The following ELMO1 variants were observed in gnomAD, a reference collection of about 807,000 sequenced individuals.
ELMO1 encodes the protein engulfment and cell motility 1, also known as engulfment and cell motility protein 1.
ELMO1 carries 26 observed loss-of-function variants against 98.9 expected under a neutral mutation model. The ratio of observed to expected loss-of-function variants is 0.26; its 90% CI spans 0.19 to 0.36. The LOEUF (loss-of-function observed/expected upper bound fraction) is 0.36, where lower values mean the gene tolerates loss of function less well. ELMO1 is among the 10% of genes least tolerant of loss of function. The pLI is 1.00. For synonymous variants in ELMO1, 346 were observed against 346.0 expected (o/e 1.00, Z 0.00); for missense variants, 627 against 935.2 (o/e 0.67, Z 4.30).
intron 2 of ELMO1, among the ~76,000 whole-genome samples, chr7:37,337,803 AG>A (rs557206829): frequency 9.9e-4 from 151 of 152,274 alleles, no homozygotes; most frequent in African/African-American, 3.5e-3. Flanking sequence ...GAAATACTGG[AG>A]GCTTGAAGAG....
intron 13 of ELMO1, 125 bp downstream of exon 13, chr7:37,211,261 G>C (rs1333803017): frequency 1.5e-6 from 2 of 1,376,272 alleles, no homozygotes; most frequent in Non-Finnish European, 2.0e-6. Context: ...TAAACATCTG[G>C]AAATGTGGAA....
At chr7:37,277,276 G>A (rs1796892427) in intron 4 of ELMO1, among the ~76,000 whole-genome samples, 1 of 152,236 alleles carries the variant, frequency 6.6e-6, no homozygotes, top group Non-Finnish European at 1.5e-5. Flanking sequence ...CAGCACATAG[G>A]TGTGATGCAG....
At chr7:37,060,517 G>C (rs1018030416) in intron 15 of ELMO1, among the ~76,000 whole-genome samples, 1 of 152,166 alleles carries the variant, frequency 6.6e-6, no homozygotes, top group Non-Finnish European at 1.5e-5. Flanking sequence ...GGAGGGAAGA[G>C]AGGGTGGCAA....
intron 18 of ELMO1, among the ~76,000 whole-genome samples, chr7:36,884,744 G>A (rs1562795972): frequency 1.3e-5 from 2 of 152,158 alleles, no homozygotes; most frequent in African/African-American, 2.4e-5. Context: ...TGGCACAGTC[G>A]AGCACTCTCT....
chr7:36,971,060 G>A (rs1789902076), intron 16 of ELMO1, among the ~76,000 whole-genome samples: 1 of 152,224 alleles, frequency 6.6e-6, no homozygotes, highest in Non-Finnish European at 1.5e-5. Flanking sequence ...CCCAGGTATG[G>A]AGGCCTCACT....
intron 15 of ELMO1, among the ~76,000 whole-genome samples, chr7:37,028,660 G>A (rs1307671656): frequency 6.6e-6 from 1 of 152,084 alleles, no homozygotes; most frequent in African/African-American, 2.4e-5. Context: ...ACAGCTCACT[G>A]CATCCTTTAA....
At chr7:37,078,475 C>T (rs1038740057) in intron 15 of ELMO1, among the ~76,000 whole-genome samples, 2 of 152,146 alleles carry the variant, frequency 1.3e-5, no homozygotes, top group Non-Finnish European at 2.9e-5. Flanking sequence ...CCCCAAATCC[C>T]ACCATCTCAG....
chr7:37,099,926 C>G (rs906354797), intron 14 of ELMO1, among the ~76,000 whole-genome samples: 2 of 151,834 alleles, frequency 1.3e-5, no homozygotes, highest in African/African-American at 4.8e-5. Context: ...TCCGCCCCGC[C>G]AAGCTCAAGC....
At chr7:37,402,486 CTAAG>C (rs562868626) in intron 1 of ELMO1, among the ~76,000 whole-genome samples, 29 of 152,240 alleles carry the variant, frequency 1.9e-4, no homozygotes, top group Admixed American at 6.5e-4. Context: ...CTCTTTCTTC[CTAAG>C]TGTTTGGGAA....
At chr7:37,332,110 C>G (rs1800158964) in intron 2 of ELMO1, among the ~76,000 whole-genome samples, 1 of 152,192 alleles carries the variant, frequency 6.6e-6, no homozygotes, top group Non-Finnish European at 1.5e-5. Context: ...AGGATTCATC[C>G]ATCATCATTT....
intron 16 of ELMO1, among the ~76,000 whole-genome samples, chr7:36,921,909 C>CT (rs1785180132): frequency 6.6e-6 from 1 of 152,204 alleles, no homozygotes; most frequent in Non-Finnish European, 1.5e-5. Flanking sequence ...TAAGACCCCG[C>CT]TGCGTATGCC....
chr7:37,171,306 G>A (rs1790137726), intron 13 of ELMO1, among the ~76,000 whole-genome samples: 1 of 151,728 alleles, frequency 6.6e-6, no homozygotes, highest in African/African-American at 2.4e-5. Flanking sequence ...AACTGGCTAG[G>A]TTTCTTTTTC....
chr7:37,217,636 C>G (rs774399306), intron 10 of ELMO1: 1 of 451,764 alleles, frequency 2.2e-6, no homozygotes, highest in Non-Finnish European at 4.5e-6. Flanking sequence ...GGAGGGCATA[C>G]AAGCAGGGGT....
chr7:37,226,079 A>G (rs911954809), intron 8 of ELMO1, among the ~76,000 whole-genome samples: 4 of 152,042 alleles, frequency 2.6e-5, no homozygotes, highest in Non-Finnish European at 5.9e-5. Flanking sequence ...CCCAGGTACC[A>G]TCGGAATTGT....
rs572656639 is a variant in ELMO1, at chr7:36,976,360, G to A, written c.1437+36939C>T. On this transcript the variant is annotated intron_variant, in intron 16 of 21. Coordinates refer to ENST00000310758, the MANE Select transcript of ELMO1 (RefSeq NM_014800.11). The stretch of plus-strand genomic sequence containing the variant: ...TCATACTTCTCTGAAACAAAAACAC[G>A]TACATACACACTGAAATCTAACTTA... Among the ~76,000 whole-genome samples, 176 of 152,194 alleles carry A rather than the reference G, an allele frequency of 1.2e-3. 1 individual carries two copies. The highest frequency in any genetic ancestry group is 6.2e-3 in the South Asian group (30 of 4,830).
intron 12 of ELMO1, 75 bp downstream of exon 12, chr7:37,213,260 G>A: frequency 6.5e-7 from 1 of 1,543,438 alleles, no homozygotes; most frequent in Non-Finnish European, 8.8e-7. Context: ...CTAGTTTCAG[G>A]GTACCTCAAG....
chr7:37,133,382 C>T, intron 13 of ELMO1, 148 bp from the exon 14 acceptor site: 1 of 573,720 alleles, frequency 1.7e-6, no homozygotes, highest in South Asian at 2.6e-5. Flanking sequence ...TCCATGTAAA[C>T]CTACTGAGGT....
chr7:37,005,107 C>CAAAAAAAAAAAAAAAAAAAAAAAAA (rs35665315), intron 16 of ELMO1, among the ~76,000 whole-genome samples: 2 of 38,282 alleles, frequency 5.2e-5, no homozygotes, highest in South Asian at 1.6e-3. Flanking sequence ...GGCTCTGTCT[C>CAAAAAAAAAAAAAAAAAAAAAAAAA]AAAAAAAAAA....
At chr7:37,156,846 C>A (rs2129324884) in intron 13 of ELMO1, among the ~76,000 whole-genome samples, 1 of 152,252 alleles carries the variant, frequency 6.6e-6, no homozygotes, top group East Asian at 1.9e-4. Context: ...ACACCAAAGC[C>A]TGGTGGAGAC....
Sources: gnomAD v4.1 joint callset for allele counts (sites outside exome capture counted in the v4.1 genomes callset) on GRCh38, gnomAD v4.1.1 for gene constraint, MANE v1.5 for transcripts, NCBI Gene and HGNC (gene_info 2026-07-23, HGNC 2026-07-21) for gene names.